Variants in PLXDC2 observed in about 807,000 individuals in gnomAD.
PLXDC2 encodes the protein plexin domain containing 2.
PLXDC2 carries 40 observed loss-of-function variants against 68.9 expected under a neutral mutation model. The ratio of observed to expected loss-of-function variants is 0.58; its 90% CI spans 0.45 to 0.76. The LOEUF (loss-of-function observed/expected upper bound fraction) is 0.76. PLXDC2 is among the 30% of genes least tolerant of loss of function. The pLI, the probability that PLXDC2 is intolerant of heterozygous loss-of-function variation, is 0.00. For synonymous variants in PLXDC2, 243 were observed against 234.2 expected (o/e 1.04, Z -0.34); for missense variants, 644 against 661.9 (o/e 0.97, Z 0.30).
intron 9 of PLXDC2, among the ~76,000 whole-genome samples, chr10:20,187,721 A>T (rs1244527753): frequency 6.6e-6 from 1 of 151,928 alleles, no homozygotes; most frequent in African/African-American, 2.4e-5. Flanking sequence ...AGAAATGTAA[A>T]ATAGTCATCT....
intron 9 of PLXDC2, among the ~76,000 whole-genome samples, chr10:20,199,966 C>T (rs140204306): frequency 2.4e-4 from 37 of 151,748 alleles, no homozygotes; most frequent in African/African-American, 8.2e-4. Context: ...AAAAGAGTTT[C>T]GAGAAATAAA....
chr10:20,103,639 T>C (rs1055875718), intron 4 of PLXDC2, among the ~76,000 whole-genome samples: 1 of 102,692 alleles, frequency 9.7e-6, no homozygotes, highest in Non-Finnish European at 1.7e-5. Context: ...ATCTTTTCTT[T>C]TTTTTTTTCT....
chr10:20,196,190 GA>G (rs1286763308), intron 9 of PLXDC2, among the ~76,000 whole-genome samples: 2 of 152,168 alleles, frequency 1.3e-5, no homozygotes, highest in East Asian at 1.9e-4. Context: ...GTCCTACCAA[GA>G]TAGCAAAGTT....
intron 4 of PLXDC2, among the ~76,000 whole-genome samples, chr10:20,093,734 C>T (rs142963355): frequency 1.4e-3 from 220 of 152,240 alleles, no homozygotes; most frequent in African/African-American, 4.6e-3. Flanking sequence ...AGTGTAGTGG[C>T]GCGGTCTCAG....
chr10:20,275,929 AAAATT>A (rs1020490231), intron 13 of PLXDC2, among the ~76,000 whole-genome samples: 10 of 143,128 alleles, frequency 7.0e-5, no homozygotes, highest in Middle Eastern at 3.6e-3. Context: ...TAATAATAAT[AAAATT>A]AAATTAAAAA....
chr10:20,120,633 C>T (rs113359984), intron 4 of PLXDC2, among the ~76,000 whole-genome samples: 23 of 150,762 alleles, frequency 1.5e-4, no homozygotes, highest in Non-Finnish European at 1.0e-4. Flanking sequence ...ACCTAGACTA[C>T]GAGGTATTTT....
intron 4 of PLXDC2, among the ~76,000 whole-genome samples, chr10:20,102,654 G>A (rs1203977102): frequency 1.3e-5 from 2 of 152,196 alleles, no homozygotes; most frequent in African/African-American, 4.8e-5. Context: ...AAATGGCAGG[G>A]CCTATTATTG....
chr10:20,145,146 T>A (rs1329420438), intron 5 of PLXDC2, among the ~76,000 whole-genome samples: 1 of 152,236 alleles, frequency 6.6e-6, no homozygotes, highest in Non-Finnish European at 1.5e-5. Flanking sequence ...GTGAGTTTTA[T>A]GTCTGAGAAT....
chr10:20,018,554 G>A (rs1001866655), intron 2 of PLXDC2, among the ~76,000 whole-genome samples: 1 of 152,130 alleles, frequency 6.6e-6, no homozygotes, highest in South Asian at 2.1e-4. Flanking sequence ...TGAAATTGCA[G>A]TCACAGGAAA....
At chr10:20,011,569 T>C (rs1186261984) in intron 2 of PLXDC2, among the ~76,000 whole-genome samples, 1 of 152,202 alleles carries the variant, frequency 6.6e-6, no homozygotes, top group Admixed American at 6.5e-5. Context: ...AGCTATCTGT[T>C]TTCCTGGCAA....
At chr10:19,914,111 GAGGT>G (rs1229219897) in intron 1 of PLXDC2, among the ~76,000 whole-genome samples, 2 of 137,174 alleles carry the variant, frequency 1.5e-5, no homozygotes, top group African/African-American at 5.1e-5. Context: ...AGAAGGGAGG[GAGGT>G]AGGGAGGTAG....
rs528266350 is a variant in PLXDC2 at position 20,267,181 on chromosome 10, C to T, written c.1474-12522C>T. ...AATCATTCACAGTATGATTTAAATGCATAAAGCGAAAGTGGTGTGATTGAT... is the reference window on the plus strand; with the variant it reads ...AATCATTCACAGTATGATTTAAATGTATAAAGCGAAAGTGGTGTGATTGAT... On this transcript the variant is annotated intron_variant, in intron 13 of 13. Transcript: ENST00000377252. Among the ~76,000 whole-genome samples the T allele has an allele frequency of 3.9e-5, 6 of 152,256 alleles. No individual in the cohort carries two copies. The South Asian group carries it at 1.2e-3, about 32-fold the overall frequency.
At chr10:20,019,873 A>C (rs1835275603) in intron 2 of PLXDC2, among the ~76,000 whole-genome samples, 1 of 152,216 alleles carries the variant, frequency 6.6e-6, no homozygotes, top group South Asian at 2.1e-4. Context: ...TATGTGGAAA[A>C]ATGTTCTATT....
chr10:19,997,765 A>G (rs1314330151), intron 1 of PLXDC2, among the ~76,000 whole-genome samples: 1 of 152,168 alleles, frequency 6.6e-6, no homozygotes, highest in Non-Finnish European at 1.5e-5. Context: ...ATACACATGA[A>G]TTTCCTGTTC....
intron 12 of PLXDC2, among the ~76,000 whole-genome samples, chr10:20,236,705 T>C (rs981658745): frequency 2.0e-5 from 3 of 152,098 alleles, no homozygotes; most frequent in Non-Finnish European, 2.9e-5. Context: ...CTTCTCTTTT[T>C]TCAATTTTTT....
intron 1 of PLXDC2, among the ~76,000 whole-genome samples, chr10:19,834,371 G>A (rs963209121): frequency 1.1e-4 from 16 of 151,864 alleles, no homozygotes; most frequent in African/African-American, 3.9e-4. Flanking sequence ...GTGTGTCTGT[G>A]TGTGTCTGTG....
chr10:19,897,415 TG>T (rs1326326640), intron 1 of PLXDC2, among the ~76,000 whole-genome samples: 2 of 152,012 alleles, frequency 1.3e-5, no homozygotes, highest in Admixed American at 6.6e-5. Flanking sequence ...AGTTTTGTAT[TG>T]TTTTTTTTAG....
At chr10:19,896,083 C>G (rs1838053368) in intron 1 of PLXDC2, among the ~76,000 whole-genome samples, 1 of 152,094 alleles carries the variant, frequency 6.6e-6, no homozygotes, top group Non-Finnish European at 1.5e-5. Context: ...AAAAGGTATC[C>G]AACTCCTCTT....
At chr10:19,950,362 C>G (rs1287546451) in intron 1 of PLXDC2, among the ~76,000 whole-genome samples, 2 of 152,094 alleles carry the variant, frequency 1.3e-5, no homozygotes, top group Non-Finnish European at 2.9e-5. Flanking sequence ...TTTCTATACA[C>G]CAATGTGTTC....
Sources: allele counts gnomAD v4.1 joint callset (sites outside exome capture counted in the v4.1 genomes callset), GRCh38; gene constraint gnomAD v4.1.1; transcripts MANE v1.5; gene names NCBI Gene and HGNC (gene_info 2026-07-23, HGNC 2026-07-21).